FAM53B: variants seen among roughly 807,000 people sequenced by gnomAD.
FAM53B encodes the protein protein FAM53B.
In FAM53B, 12 loss-of-function variants were observed where a neutral mutation model predicts 32.7. The ratio of observed to expected loss-of-function variants is 0.37; its 90% CI spans 0.24 to 0.59. FAM53B has a LOEUF of 0.59. Ranked by LOEUF, FAM53B falls within the 20% of genes least tolerant of loss-of-function variation. FAM53B has a pLI of 0.72. For missense variants in FAM53B, 477 were observed against 577.7 expected, an observed-to-expected ratio of 0.83 and a Z score of 1.79; for synonymous variants, 234 against 228.7, an observed-to-expected ratio of 1.02 and a Z score of -0.21.
At chr10:124,638,484 AGAG>A (rs1949448328) in intron 4 of FAM53B, among the ~76,000 whole-genome samples, 1 of 152,228 alleles carries the variant, frequency 6.6e-6, no homozygotes, top group Non-Finnish European at 1.5e-5. Context: ...AAACTGCCCT[AGAG>A]GGGCTGCATG....
intron 2 of FAM53B, among the ~76,000 whole-genome samples, chr10:124,698,265 GC>G (rs563645871): frequency 1.2e-4 from 18 of 152,188 alleles, no homozygotes; most frequent in Non-Finnish European, 2.5e-4. Flanking sequence ...CAGGATGGGG[GC>G]TGGGGAGAGC....
chr10:124,743,844 G>T (rs1376307002), intron 1 of FAM53B, among the ~76,000 whole-genome samples, 169 bp downstream of exon 1: 2 of 149,966 alleles, frequency 1.3e-5, no homozygotes, highest in African/African-American at 4.9e-5. Flanking sequence ...AAACAAGGCA[G>T]AAAAAAAGGA....
intron 2 of FAM53B, among the ~76,000 whole-genome samples, chr10:124,706,393 G>A (rs1331805261): frequency 1.3e-5 from 2 of 152,192 alleles, no homozygotes; most frequent in Admixed American, 1.3e-4. Flanking sequence ...TTTACCAGGG[G>A]ATGGCCTCCC....
intron 1 of FAM53B, among the ~76,000 whole-genome samples, chr10:124,735,750 G>A (rs1390345385): frequency 2.0e-5 from 3 of 149,650 alleles, no homozygotes; most frequent in African/African-American, 7.4e-5. Flanking sequence ...CTCAGGTGTG[G>A]TCTCACTCAG....
intron 4 of FAM53B, among the ~76,000 whole-genome samples, chr10:124,625,644 G>A (rs1028426389): frequency 4.6e-5 from 7 of 152,236 alleles, no homozygotes; most frequent in African/African-American, 1.7e-4. Context: ...CCTGCCGCTT[G>A]TGAGGTGGAA....
chr10:124,707,348 A>G (rs1333419679), intron 1 of FAM53B, among the ~76,000 whole-genome samples: 1 of 152,208 alleles, frequency 6.6e-6, no homozygotes, highest in East Asian at 1.9e-4. Context: ...CAGGCAGCCA[A>G]CTGGCAGCAA....
rs1373397358 is a variant in FAM53B, at chr10:124,621,560, G to A, written c.*1682C>T. 2.6e-5 allele frequency: 4 copies of A among 152,230 alleles called. No homozygotes were observed. Among genetic ancestry groups the A allele is most frequent in the Non-Finnish European group, 4.4e-5 (3 of 68,040 alleles). 9.4% of individuals were successfully genotyped at this position (152,230 alleles called of 1,614,324 possible). A position where few individuals can be genotyped will look rare whatever the true frequency, so the allele number is the denominator to read the frequency against. On this transcript the variant is annotated 3_prime_UTR_variant, in exon 5 of 5. Coordinates refer to ENST00000337318, the MANE Select transcript of FAM53B (RefSeq NM_014661.4). ...CATCTCTCAGGGCTGTGGGGCTGGG[G>A]GCTTTCTGCCAGCTCCTTAAAGCTG...
intron 4 of FAM53B, among the ~76,000 whole-genome samples, chr10:124,631,488 C>T (rs77647427): frequency 1.3e-3 from 191 of 152,278 alleles, no homozygotes; most frequent in African/African-American, 4.2e-3. Flanking sequence ...CCACTCATCC[C>T]GTGGGCTATC....
At chr10:124,725,157 C>G (rs1950093767) in intron 1 of FAM53B, among the ~76,000 whole-genome samples, 1 of 152,234 alleles carries the variant, frequency 6.6e-6, no homozygotes, top group Non-Finnish European at 1.5e-5. Context: ...GAGCTAAAGA[C>G]ACAAGACCCA....
intron 4 of FAM53B, among the ~76,000 whole-genome samples, chr10:124,654,209 C>T (rs1009803496): frequency 3.7e-4 from 57 of 152,368 alleles, no homozygotes; most frequent in Middle Eastern, 3.4e-3. Flanking sequence ...TGAAACGCTG[C>T]GCCCAGCCAT....
At chr10:124,625,402 C>A (rs1949340344) in intron 4 of FAM53B, among the ~76,000 whole-genome samples, 1 of 152,182 alleles carries the variant, frequency 6.6e-6, no homozygotes, top group Non-Finnish European at 1.5e-5. Flanking sequence ...TGCTGGCCCC[C>A]CAAGGAGCCA....
Position 124,620,375 on chromosome 10 carries a change from T to G in FAM53B, c.*2867A>C, listed in dbSNP as rs1378396570. 8.5e-6 allele frequency: 1 copy of G among 117,068 alleles called. No homozygotes were observed. Among genetic ancestry groups the G allele is most frequent in the East Asian group, 3.5e-4 (1 of 2,876 alleles). The allele number at this position is 117,068 out of a possible 1,614,324, so 7.3% of individuals were successfully genotyped here. On this transcript the variant is annotated 3_prime_UTR_variant, in exon 5 of 5. Transcript: ENST00000337318. ...ACTAAGCCCCCCCCACCGCCCCGGC[T>G]TTCCTGCAGGCTTAGCCCGCGCTTT...
At chr10:124,696,248 T>C in intron 2 of FAM53B, 36 bp from the exon 3 acceptor site, 3 of 1,589,240 alleles carry the variant, frequency 1.9e-6, no homozygotes, top group Non-Finnish European at 2.6e-6. Context: ...ACTCTTCAAA[T>C]CATAGGAAGC....
intron 1 of FAM53B, among the ~76,000 whole-genome samples, chr10:124,723,014 T>C (rs977576470): frequency 3.3e-5 from 5 of 152,172 alleles, no homozygotes; most frequent in African/African-American, 1.2e-4. Flanking sequence ...GCCTCCAGAC[T>C]CTCTAACCTC....
chr10:124,677,408 A>C (rs1269511331), intron 4 of FAM53B, among the ~76,000 whole-genome samples: 1 of 152,256 alleles, frequency 6.6e-6, no homozygotes, highest in Non-Finnish European at 1.5e-5. Flanking sequence ...CCACGTAAGG[A>C]GGAAAGCTGT....
chr10:124,682,472 A>G lies in FAM53B; in HGVS notation c.134-93T>C, dbSNP rs1201588032. 5.3e-5 allele frequency: 60 copies of G among 1,137,774 alleles called. No individual in the cohort carries two copies. Among genetic ancestry groups the G allele is most frequent in the Non-Finnish European group, 7.2e-5 (59 of 816,070 alleles). 70.5% of individuals were successfully genotyped at this position (1,137,774 alleles called of 1,614,324 possible). A position where few individuals can be genotyped will look rare whatever the true frequency, so the allele number is the denominator to read the frequency against. Reference sequence around the variant, plus strand: ...CACACCAACAGCCCGTTTCAAACACAGTATCTTAGAGCCAAAAGGCCCTTA... The same window carrying G: ...CACACCAACAGCCCGTTTCAAACACGGTATCTTAGAGCCAAAAGGCCCTTA... On this transcript the variant is annotated intron_variant, in intron 3 of 4. Transcript: ENST00000337318. This position sits in a 1 kb window ranked among gnomAD's most constrained non-coding sequence, Gnocchi z 5.2.
intron 4 of FAM53B, among the ~76,000 whole-genome samples, chr10:124,638,962 G>A (rs536902374): frequency 2.6e-4 from 40 of 152,332 alleles, no homozygotes; most frequent in Middle Eastern, 3.4e-3. Context: ...AGCCCCACAG[G>A]ACCTGCTGGA....
chr10:124,715,844 T>G (rs1387835032), intron 1 of FAM53B, among the ~76,000 whole-genome samples: 6 of 152,194 alleles, frequency 3.9e-5, no homozygotes, highest in Admixed American at 3.9e-4. Flanking sequence ...TAACGCCCTG[T>G]AGGTGGGGGC....
intron 4 of FAM53B, chr10:124,624,102 T>C (rs1358233647): frequency 1.3e-5 from 2 of 154,556 alleles, no homozygotes; most frequent in Non-Finnish European, 2.9e-5. Flanking sequence ...AATCAATGTT[T>C]TTCAAGCAGG....
Sources: allele counts gnomAD v4.1 joint callset (sites outside exome capture counted in the v4.1 genomes callset), GRCh38; gene constraint gnomAD v4.1.1; non-coding constraint Gnocchi (gnomAD v3.1); transcripts MANE v1.5; gene names NCBI Gene and HGNC (gene_info 2026-07-23, HGNC 2026-07-21).